EXT1: variants seen among roughly 807,000 people sequenced by gnomAD.
EXT1 encodes the protein exostosin-1.
Under a neutral mutation model 82.5 loss-of-function variants are expected in EXT1, and 20 were observed. That is an observed-to-expected ratio of 0.24 (90% CI 0.17 to 0.35). The LOEUF is 0.35. Among genes scored for constraint, EXT1 ranks in the 10% least tolerant of loss-of-function variants. The pLI is 1.00. For synonymous variants in EXT1, 348 were observed against 350.8 expected (o/e 0.99, Z 0.09); for missense variants, 757 against 936.5 (o/e 0.81, Z 2.50).
At chr8:117,905,806 G>A (rs1239726277) in intron 1 of EXT1, among the ~76,000 whole-genome samples, 2 of 152,140 alleles carry the variant, frequency 1.3e-5, no homozygotes, top group East Asian at 1.9e-4. Flanking sequence ...GCGAGACTCC[G>A]TCTCAAAAAA....
chr8:118,050,277 T>C (rs1398789557), intron 1 of EXT1, among the ~76,000 whole-genome samples: 1 of 152,242 alleles, frequency 6.6e-6, no homozygotes, highest in African/African-American at 2.4e-5. Flanking sequence ...CAGCACTGGC[T>C]GAATATCTGT....
chr8:117,832,583 C>T (rs1163375252), intron 3 of EXT1, among the ~76,000 whole-genome samples: 1 of 151,824 alleles, frequency 6.6e-6, no homozygotes, highest in African/African-American at 2.4e-5. Context: ...TATATAGTCT[C>T]CAGAAAATTG....
chr8:118,030,402 A>C (rs1022494941), intron 1 of EXT1, among the ~76,000 whole-genome samples: 1 of 152,230 alleles, frequency 6.6e-6, no homozygotes, highest in African/African-American at 2.4e-5. Context: ...TAAACCTCCT[A>C]GGAGCATGTA....
chr8:117,824,163 G>C (rs1473938873), intron 4 of EXT1, among the ~76,000 whole-genome samples: 2 of 151,812 alleles, frequency 1.3e-5, no homozygotes, highest in African/African-American at 4.8e-5. Flanking sequence ...ACTTAAATAA[G>C]TTTGGATATC....
chr8:117,894,504 C>T (rs568293918), intron 1 of EXT1, among the ~76,000 whole-genome samples: 3 of 152,244 alleles, frequency 2.0e-5, no homozygotes, highest in East Asian at 3.9e-4. Flanking sequence ...AAAGAGAAAA[C>T]AATGAAAACG....
At chr8:117,973,876 GAA>G (rs1172599076) in intron 1 of EXT1, among the ~76,000 whole-genome samples, 4 of 98,134 alleles carry the variant, frequency 4.1e-5, no homozygotes, top group African/African-American at 1.7e-4. Context: ...GAAAGGAAAG[GAA>G]AGGAAAGGAA....
intron 1 of EXT1, among the ~76,000 whole-genome samples, chr8:118,013,070 T>C (rs1241160246): frequency 6.6e-6 from 1 of 152,122 alleles, no homozygotes; most frequent in Non-Finnish European, 1.5e-5. Context: ...AATCTCTCTC[T>C]GTTGCCCAGG....
At position 118,084,266 on chromosome 8, in the gene EXT1, A is replaced by G. The variant is rs988158829; in HGVS notation, c.962+25819T>C. Among the ~76,000 whole-genome samples, 3 of 152,216 alleles carry G rather than the reference A, an allele frequency of 2.0e-5. No homozygotes were observed. The East Asian group carries it at 5.8e-4, about 29-fold the overall frequency. ...AAGATGCAAGGAACTCTCCCAAGCT[A>G]GAATAAATAGGACTTGCTAAAGTGA... On this transcript the variant is annotated intron_variant, in intron 1 of 10. Coordinates refer to ENST00000378204, the MANE Select transcript of EXT1 (RefSeq NM_000127.3).
intron 8 of EXT1, 144 bp downstream of exon 8, chr8:117,812,728 G>A: frequency 1.3e-6 from 1 of 765,854 alleles, no homozygotes; most frequent in South Asian, 1.5e-5. Context: ...CAGGAATCGG[G>A]CTGATTAAAA....
chr8:117,946,836 T>C (rs191505802), intron 1 of EXT1, among the ~76,000 whole-genome samples: 2 of 152,304 alleles, frequency 1.3e-5, no homozygotes, highest in African/African-American at 4.8e-5. Flanking sequence ...GTGAAACTTA[T>C]ATGGAGGAAT....
chr8:117,833,523 A>C (rs557123408), intron 3 of EXT1, among the ~76,000 whole-genome samples: 1 of 152,016 alleles, frequency 6.6e-6, no homozygotes, highest in Admixed American at 6.6e-5. Context: ...GCTGAGGCAG[A>C]AGAATCGCTT....
chr8:117,959,751 C>T (rs201098143), intron 1 of EXT1, among the ~76,000 whole-genome samples: 8 of 152,136 alleles, frequency 5.3e-5, no homozygotes, highest in Non-Finnish European at 8.8e-5. Context: ...CACTTGAGCC[C>T]GGTGTCAGCA....
intron 1 of EXT1, among the ~76,000 whole-genome samples, chr8:117,867,542 C>G (rs772440010): frequency 6.6e-6 from 1 of 152,140 alleles, no homozygotes; most frequent in African/African-American, 2.4e-5. Context: ...AAACACTCCA[C>G]CAAACAGCAA....
rs1174254271 is a variant in EXT1, at chr8:118,073,614, GGAAGAGAAGAGAAGAGAAAGAAGAGAAGA to G, written c.962+36442_962+36470del. Among the ~76,000 whole-genome samples, 646 of 139,972 alleles carry G rather than the reference GGAAGAGAAGAGAAGAGAAAGAAGAGAAGA, an allele frequency of 4.6e-3. 7 individuals carry two copies. The highest frequency in any genetic ancestry group is 0.017 in the African/African-American group (604 of 35,506). 91.8% of individuals were successfully genotyped at this position (139,972 alleles called of 152,430 possible). On this transcript the variant is annotated intron_variant, in intron 1 of 10. Transcript: ENST00000378204. ...CAGCCTGGGCTACAGAGAGAGGAAAGGAAGAGAAGAGAAGAGAAAGAAGAGAAGAGAAGAGAAGAGAAGAGAAGAGAAGA... is the reference window on the plus strand; with the variant it reads ...CAGCCTGGGCTACAGAGAGAGGAAAGGAAGAGAAGAGAAGAGAAGAGAAGA...
In EXT1 at chr8:118,097,262, A is replaced by C. The variant is rs538069918; in HGVS notation, c.962+12823T>G. Among the ~76,000 whole-genome samples the C allele has an allele frequency of 1.8e-3, 278 of 152,168 alleles. 1 individual carries two copies. Among genetic ancestry groups the C allele is most frequent in the African/African-American group, 6.3e-3 (260 of 41,510 alleles). ...GGAGTTCAAGATCAGCCTGGCCAAC[A>C]TGTCAAAACCTCATCTTTACTAAAA... On this transcript the variant is annotated intron_variant, in intron 1 of 10. Coordinates refer to ENST00000378204, the MANE Select transcript of EXT1 (RefSeq NM_000127.3).
intron 1 of EXT1, among the ~76,000 whole-genome samples, chr8:117,877,277 C>A (rs1015618133): frequency 2.0e-5 from 3 of 152,154 alleles, no homozygotes; most frequent in Non-Finnish European, 4.4e-5. Flanking sequence ...CAGATGTAGG[C>A]TCTTCATAGT....
intron 4 of EXT1, among the ~76,000 whole-genome samples, chr8:117,829,913 G>A (rs150858096): frequency 2.0e-5 from 3 of 152,060 alleles, no homozygotes; most frequent in East Asian, 1.9e-4. Context: ...ATATGTCTTC[G>A]AAGGATGCCA....
intron 10 of EXT1, among the ~76,000 whole-genome samples, chr8:117,801,446 A>C (rs1197266472): frequency 6.6e-6 from 1 of 152,178 alleles, no homozygotes; most frequent in Non-Finnish European, 1.5e-5. Context: ...TTCATATCAG[A>C]GTAGACAATC....
At chr8:117,926,456 A>T (rs576861866) in intron 1 of EXT1, among the ~76,000 whole-genome samples, 1 of 152,204 alleles carries the variant, frequency 6.6e-6, no homozygotes, top group Admixed American at 6.5e-5. Context: ...CCCACTTTTT[A>T]AAAAAGCCAT....
Sources: allele counts gnomAD v4.1 joint callset (sites outside exome capture counted in the v4.1 genomes callset), GRCh38; gene constraint gnomAD v4.1.1; transcripts MANE v1.5; gene names NCBI Gene and HGNC (gene_info 2026-07-23, HGNC 2026-07-21).